Variants in SPDYE1 observed in about 807,000 individuals in gnomAD.
SPDYE1 encodes the protein speedy/RINGO cell cycle regulator family member E1.
In SPDYE1, 29 loss-of-function variants were observed where a neutral mutation model predicts 45.9. The observed-to-expected ratio is 0.63, with a 90% CI of 0.47 to 0.86. The LOEUF is 0.86. Ranked by LOEUF, SPDYE1 falls within the 40% of genes least tolerant of loss-of-function variation. SPDYE1 has a pLI of 0.00. For missense variants in SPDYE1, 346 were observed against 481.4 expected, an observed-to-expected ratio of 0.72 and a Z score of 2.63; for synonymous variants, 134 against 176.8, an observed-to-expected ratio of 0.76 and a Z score of 1.92.
rs1376226292 is a variant in SPDYE1 at position 44,007,277 on chromosome 7, C to T, written c.762C>T (p.Ala254=). The change falls in exon 7 of 9, where the codon GCC becomes GCT. Residue 254 remains alanine (A), a synonymous_variant. Transcript: ENST00000693451. ...RLHFFLALYL[A]NDMEEDDEDS... The stretch of plus-strand genomic sequence containing the variant: ...TGATTCCTGTCCTCAGCTACCTGGC[C>T]AATGACATGGAGGAGGACGACGAGG... The T allele has an allele frequency of 1.2e-6, 2 of 1,612,494 alleles. No homozygotes were observed. Among genetic ancestry groups the T allele is most frequent in the Non-Finnish European group, 8.5e-7 (1 of 1,179,982 alleles).
intron 4 of SPDYE1, among the ~76,000 whole-genome samples, chr7:44,003,592 A>AG (rs2096066989): frequency 6.6e-6 from 1 of 150,918 alleles, no homozygotes; most frequent in African/African-American, 2.4e-5. Context: ...TGTCTGCTGG[A>AG]GGGGGTCCTG....
intron 8 of SPDYE1, 192 bp downstream of exon 8, chr7:44,008,005 G>T: frequency 1.4e-6 from 2 of 1,439,292 alleles, no homozygotes; most frequent in Admixed American, 4.4e-5. Flanking sequence ...GAGGCGGGAG[G>T]ATTGCTGGAG....
At chr7:44,003,781 T>C in intron 4 of SPDYE1, 72 bp from the exon 5 acceptor site, 1 of 1,052,804 alleles carries the variant, frequency 9.5e-7, no homozygotes, top group Non-Finnish European at 1.5e-6. Context: ...GGCACACTTC[T>C]CCTCGCTGCC....
intron 8 of SPDYE1, among the ~76,000 whole-genome samples, chr7:44,008,404 C>A (rs1489687942): frequency 6.6e-6 from 1 of 152,222 alleles, no homozygotes; most frequent in Non-Finnish European, 1.5e-5. Context: ...ACTCCCTGGG[C>A]AGACCCACCC....
At chr7:44,007,976 C>T in intron 8 of SPDYE1, 163 bp downstream of exon 8, 3 of 1,484,898 alleles carry the variant, frequency 2.0e-6, no homozygotes, top group Non-Finnish European at 1.8e-6. Flanking sequence ...CATCTCTACT[C>T]CCAACTACTC....
intron 1 of SPDYE1, among the ~76,000 whole-genome samples, chr7:43,998,422 C>T (rs1207875521): frequency 6.6e-6 from 1 of 151,330 alleles, no homozygotes; most frequent in African/African-American, 2.4e-5. Context: ...TCAAGTGATT[C>T]TCCAGCGCCC....
intron 3 of SPDYE1, among the ~76,000 whole-genome samples, chr7:44,002,319 C>CAAAAAAAA (rs57275170): frequency 3.2e-4 from 14 of 43,300 alleles, no homozygotes; most frequent in South Asian, 1.6e-3. Flanking sequence ...ACAACAACAA[C>CAAAAAAAA]AAAAAAAAAA....
Position 44,007,260 on chromosome 7 carries a change from G to C in SPDYE1, c.753-8G>C. 6.2e-7 allele frequency: 1 copy of C among 1,612,440 alleles called. No individual in the cohort carries two copies. Among genetic ancestry groups the C allele is most frequent in the Non-Finnish European group, 8.5e-7 (1 of 1,179,946 alleles). On this transcript the variant is annotated splice_region_variant and splice_polypyrimidine_tract_variant and intron_variant, in intron 6 of 8. Coordinates refer to ENST00000693451, the MANE Select transcript of SPDYE1 (RefSeq NM_001378423.2). ...GCCCCTGAGCAGCAACCTGATTCCT[G>C]TCCTCAGCTACCTGGCCAATGACAT...
At chr7:44,004,367 A>C in intron 5 of SPDYE1, 2 of 250,200 alleles carry the variant, frequency 8.0e-6, no homozygotes, top group South Asian at 4.8e-5. Flanking sequence ...GGCACCCACA[A>C]ATTTTTTTTT....
rs533068234 is a variant in SPDYE1, at chr7:44,007,823, C to A, written c.*45+10C>A. 6.4e-5 allele frequency: 102 copies of A among 1,601,632 alleles called. No homozygotes were observed. In the East Asian group the frequency reaches 2.1e-3, roughly 34 times the overall value. On this transcript the variant is annotated intron_variant, in intron 8 of 8. Transcript: ENST00000693451. ...ATCGGCCTGAGAGAAGGTACATCTG[C>A]ATCCTCCGGGGTAAAGGCAGAATAT...
chr7:44,001,247 C>A lies in SPDYE1; in HGVS notation c.342C>A (p.Ile114=). The part of the protein sequence containing the change: ...MKLKQQRVSP[I]LLEHHKDFNS... ...TGAAGCAACAGCGAGTGTCACCCAT[C>A]CTCCTTGAGCACCACAAGGACTTCA... Residue 114 remains isoleucine, a synonymous_variant, in exon 3 of 9, where the codon ATC becomes ATA. Coordinates refer to ENST00000693451, the MANE Select transcript of SPDYE1 (RefSeq NM_001378423.2). The A allele has an allele frequency of 6.3e-7, 1 of 1,597,778 alleles. No individual in the cohort carries two copies. The highest frequency in any genetic ancestry group is 8.5e-7 in the Non-Finnish European group (1 of 1,179,912).
chr7:44,009,662 A>T lies in SPDYE1; in HGVS notation c.*1041A>T, dbSNP rs2096076505. The T allele has an allele frequency of 6.7e-6, 1 of 149,560 alleles. No homozygotes were observed. The allele number at this position is 149,560 out of a possible 1,614,324, so 9.3% of individuals were successfully genotyped here. A position where few individuals can be genotyped will look rare whatever the true frequency, so the allele number is the denominator to read the frequency against. On this transcript the variant is annotated 3_prime_UTR_variant, in exon 9 of 9. Transcript: ENST00000693451. ...ATTATTACTTTAAATATTATTTTAA[A>T]TATTTTGGAAATACTGGTATTTTTG...
rs542720167 is a variant in SPDYE1 at position 44,001,114 on chromosome 7, G to A, written c.209G>A (p.Arg70Lys). Residue 70 changes from arginine to lysine, a missense_variant, in exon 3 of 9, where the codon AGG (arginine) becomes AAG (lysine). Physicochemically the swap from Arg to Lys is conservative, Grantham distance 26. Transcript: ENST00000693451. ...CCATGTAGGTCCCTTGGCTGGAAAA[G>A]GAAGAGGGAGTGGTCAGATGAATCT... ...SPPCRSLGWK[R>K]KREWSDESEE... 1.9e-4 allele frequency: 307 copies of A among 1,598,224 alleles called. 2 individuals carry two copies. In the East Asian group the frequency reaches 6.4e-3, roughly 33 times the overall value.
At chr7:44,005,874 G>A (rs2096070552) in intron 6 of SPDYE1, among the ~76,000 whole-genome samples, 1 of 151,684 alleles carries the variant, frequency 6.6e-6, no homozygotes, top group Non-Finnish European at 1.5e-5. Context: ...AAACGCCATC[G>A]ACCTCCTCTG....
rs779644234 is a variant in SPDYE1 at position 44,007,507 on chromosome 7, T to A, written c.992T>A (p.Val331Asp). The A allele has an allele frequency of 2.9e-5, 47 of 1,613,734 alleles. No individual in the cohort carries two copies. The highest frequency in any genetic ancestry group is 3.6e-5 in the Non-Finnish European group (42 of 1,180,042). Residue 331 changes from valine to aspartate, a missense_variant, in exon 7 of 9, where the codon GTC (valine) becomes GAC (aspartate). Around this residue, in one of 4 missense-constraint regions of SPDYE1, gnomAD observed 186 missense variants for 219.1 expected, o/e 0.85. Transcript: ENST00000693451. ...PRARKNRSQI[V>D]LFQKRRFHFF... ...GCCAGGAAGAACCGCTCTCAGATAG[T>A]CCTGTTCCAGAAACGTCGGTTCCAC...
At chr7:44,006,562 G>A (rs2096071448) in intron 6 of SPDYE1, among the ~76,000 whole-genome samples, 1 of 151,562 alleles carries the variant, frequency 6.6e-6, no homozygotes, top group Non-Finnish European at 1.5e-5. Flanking sequence ...TCCCACCTCA[G>A]CTTCTTTATT....
chr7:44,007,841 C>T (rs1374645410), intron 8 of SPDYE1, 28 bp downstream of exon 8: 8 of 1,594,700 alleles, frequency 5.0e-6, no homozygotes, highest in Middle Eastern at 2.3e-4. Context: ...GGGGTAAAGG[C>T]AGAATATTGG....
Position 44,007,518 on chromosome 7 carries a change from A to C in SPDYE1, c.1003A>C (p.Lys335Gln). 1 of 1,613,882 alleles carries C rather than the reference A, an allele frequency of 6.2e-7. No individual in the cohort carries two copies. The highest frequency in any genetic ancestry group is 8.5e-7 in the Non-Finnish European group (1 of 1,180,036). The change falls in exon 7 of 9, where the codon AAA becomes CAA. Residue 335 changes from lysine to glutamine, a missense_variant. Lys to Gln is a moderately conservative substitution (Grantham distance 53). Around this residue, in one of 4 missense-constraint regions of SPDYE1, gnomAD observed 186 missense variants for 219.1 expected, o/e 0.85. Coordinates refer to ENST00000693451, the MANE Select transcript of SPDYE1 (RefSeq NM_001378423.2). ...CCGCTCTCAGATAGTCCTGTTCCAG[A>C]AACGTCGGTTCCACTTCTTCTGTTC... ...KNRSQIVLFQ[K>Q]RRFHFFCSMS...
In SPDYE1 at chr7:44,001,363, A is replaced by G. The variant is rs6978137; in HGVS notation, c.379+79A>G. 7,136 of 1,564,764 alleles carry G rather than the reference A, an allele frequency of 4.6e-3. 292 individuals carry two copies. In the African/African-American group the frequency reaches 0.084, roughly 19 times the overall value. On this transcript the variant is annotated intron_variant, in intron 3 of 8. Transcript: ENST00000693451. ...AACTTCCAATAACCACACTTTTCCA[A>G]TGGGAAAGATACGCCCCCAGTGGGT... is the stretch of plus-strand genomic sequence containing the variant.
Sources: gnomAD v4.1 joint callset for allele counts (sites outside exome capture counted in the v4.1 genomes callset) on GRCh38, gnomAD v4.1.1 for gene constraint, gnomAD v4.1.1 regional missense constraint, MANE v1.5 for transcripts, NCBI Gene and HGNC (gene_info 2026-07-23, HGNC 2026-07-21) for gene names.